ADK: variants seen among roughly 807,000 people sequenced by gnomAD.
ADK encodes adenosine kinase, also known as N6,N6-dimethyladenosine kinase.
Under a neutral mutation model 44.7 loss-of-function variants are expected in ADK, and 24 were observed. The observed-to-expected ratio is 0.54, with a 90% confidence interval of 0.39 to 0.76. ADK has a LOEUF of 0.76. ADK is among the 30% of genes least tolerant of loss of function. ADK has a pLI of 0.00. For synonymous variants in ADK, 128 were observed against 142.6 expected, an observed-to-expected ratio of 0.90 and a Z score of 0.73; for missense variants, 321 against 425.1, an observed-to-expected ratio of 0.76 and a Z score of 2.15.
intron 6 of ADK, among the ~76,000 whole-genome samples, chr10:74,430,964 T>C (rs1844967659): frequency 6.6e-6 from 1 of 150,626 alleles, no homozygotes; most frequent in Non-Finnish European, 1.5e-5. Context: ...TGGGCAAGTG[T>C]TGAAGCATGG....
intron 6 of ADK, among the ~76,000 whole-genome samples, chr10:74,430,195 C>A (rs1291054234): frequency 1.3e-5 from 2 of 152,066 alleles, no homozygotes; most frequent in African/African-American, 4.8e-5. Context: ...GATTCACATG[C>A]AGTTGTAATA....
intron 4 of ADK, among the ~76,000 whole-genome samples, chr10:74,375,162 G>T (rs767438421): frequency 2.0e-5 from 3 of 152,046 alleles, no homozygotes; most frequent in Non-Finnish European, 2.9e-5. Flanking sequence ...TTTTGTAAAA[G>T]AATTCTATAC....
intron 7 of ADK, among the ~76,000 whole-genome samples, chr10:74,530,322 T>A (rs1017278032): frequency 3.3e-5 from 5 of 152,122 alleles, no homozygotes; most frequent in Non-Finnish European, 7.4e-5. Flanking sequence ...TCTTTAATAT[T>A]TCCCCCCTCA....
intron 9 of ADK, among the ~76,000 whole-genome samples, chr10:74,616,400 T>C (rs1037171234): frequency 6.6e-6 from 1 of 152,146 alleles, no homozygotes; most frequent in African/African-American, 2.4e-5. Flanking sequence ...TATATATATA[T>C]AAGGTGTAGG....
intron 3 of ADK, among the ~76,000 whole-genome samples, chr10:74,304,085 G>A (rs1013402596): frequency 2.0e-5 from 3 of 152,012 alleles, no homozygotes; most frequent in African/African-American, 7.2e-5. Context: ...TATTTGTTTT[G>A]TATAGCTGTA....
At chr10:74,178,652 G>GT (rs1256481759) in intron 1 of ADK, among the ~76,000 whole-genome samples, 1 of 152,010 alleles carries the variant, frequency 6.6e-6, no homozygotes, top group Non-Finnish European at 1.5e-5. Context: ...GGGGTTGATA[G>GT]TTTTTTTTAA....
At chr10:74,288,311 G>A (rs1334704720) in intron 3 of ADK, among the ~76,000 whole-genome samples, 1 of 152,138 alleles carries the variant, frequency 6.6e-6, no homozygotes, top group Non-Finnish European at 1.5e-5. Context: ...AATCTTAAAT[G>A]ATACTTTTAG....
At chr10:74,559,241 A>G (rs372130680) in intron 7 of ADK, among the ~76,000 whole-genome samples, 8 of 152,258 alleles carry the variant, frequency 5.3e-5, no homozygotes, top group African/African-American at 1.7e-4. Flanking sequence ...ATGGCAGACT[A>G]CACGCAACCT....
chr10:74,214,127 A>G (rs1843930904), intron 2 of ADK, among the ~76,000 whole-genome samples: 3 of 152,204 alleles, frequency 2.0e-5, no homozygotes, highest in African/African-American at 7.2e-5. Flanking sequence ...TATTATTTTC[A>G]TAAACCTTGT....
chr10:74,627,728 G>A (rs1853264879), intron 9 of ADK, among the ~76,000 whole-genome samples: 1 of 152,076 alleles, frequency 6.6e-6, no homozygotes, highest in African/African-American at 2.4e-5. Flanking sequence ...CGCCCCCTGG[G>A]TTAAAGCAAT....
At chr10:74,356,014 T>TTTTTTTTTTTTTTTTTTTTTTG (rs1554847186) in intron 4 of ADK, among the ~76,000 whole-genome samples, 5 of 128,212 alleles carry the variant, frequency 3.9e-5, no homozygotes, top group Non-Finnish European at 6.6e-5. Context: ...TTTTTTTTTT[T>TTTTTTTTTTTTTTTTTTTTTTG]TTTTTTTTTT....
chr10:74,600,423 A>G lies in ADK; in HGVS notation c.807A>G (p.Pro269=). The G allele has an allele frequency of 6.2e-7, 1 of 1,611,614 alleles. No homozygotes were observed. ...TAGCCAAAAAGACACAAGCCCTGCCAAAGATGAACTCAAAGAGGCAGCGAA... is the reference window on the plus strand; with the variant it reads ...TAGCCAAAAAGACACAAGCCCTGCCGAAGATGAACTCAAAGAGGCAGCGAA... ...KEIAKKTQAL[P]KMNSKRQRIV... Residue 269 remains proline, a synonymous_variant, in exon 9 of 11, where the codon CCA becomes CCG. Transcript: ENST00000539909.
intron 4 of ADK, among the ~76,000 whole-genome samples, chr10:74,374,318 AT>A (rs1181432863): frequency 1.3e-5 from 2 of 152,132 alleles, no homozygotes; most frequent in Non-Finnish European, 2.9e-5. Flanking sequence ...TAAAGAATAT[AT>A]ATTTATTGGT....
rs1174583463 is a variant in ADK, at chr10:74,259,699, C to T, written c.194+35108C>T. On this transcript the variant is annotated intron_variant, in intron 3 of 10. Coordinates refer to ENST00000539909, the MANE Select transcript of ADK (RefSeq NM_006721.4). ...GTCTCGATCTCCTGACCTCGTGATCCGTCTGCCTTCGCCTCCCAAAGTGCT... is the reference window on the plus strand; with the variant it reads ...GTCTCGATCTCCTGACCTCGTGATCTGTCTGCCTTCGCCTCCCAAAGTGCT... Among the ~76,000 whole-genome samples, 7 of 151,438 alleles carry T rather than the reference C, an allele frequency of 4.6e-5. No individual in the cohort carries two copies. The East Asian group carries it at 5.9e-4, about 13-fold the overall frequency.
At chr10:74,609,610 G>A (rs1412839681) in intron 9 of ADK, among the ~76,000 whole-genome samples, 1 of 152,118 alleles carries the variant, frequency 6.6e-6, no homozygotes, top group Non-Finnish European at 1.5e-5. Context: ...AGGACTCTCA[G>A]TTGGAAATGT....
intron 3 of ADK, among the ~76,000 whole-genome samples, chr10:74,247,189 T>C (rs1291751697): frequency 6.6e-6 from 1 of 150,818 alleles, no homozygotes; most frequent in Admixed American, 6.6e-5. Context: ...CTTGGATCAC[T>C]GACATCTGGC....
intron 4 of ADK, among the ~76,000 whole-genome samples, chr10:74,344,008 A>C (rs1448339824): frequency 6.6e-6 from 1 of 152,228 alleles, no homozygotes; most frequent in African/African-American, 2.4e-5. Flanking sequence ...ATCTTAAACC[A>C]ACCTTGCATT....
intron 10 of ADK, among the ~76,000 whole-genome samples, chr10:74,700,716 A>G (rs1443502194): frequency 5.3e-5 from 8 of 152,208 alleles, no homozygotes; most frequent in Non-Finnish European, 1.2e-4. Context: ...TAAACCAGAA[A>G]ACAGTGAAAG....
At chr10:74,466,770 T>C (rs1046334357) in intron 6 of ADK, among the ~76,000 whole-genome samples, 4 of 152,142 alleles carry the variant, frequency 2.6e-5, no homozygotes, top group African/African-American at 9.7e-5. Flanking sequence ...GGTTTCTCTT[T>C]CTGTAGCAAG....
Sources: allele counts gnomAD v4.1 joint callset (sites outside exome capture counted in the v4.1 genomes callset), GRCh38; gene constraint gnomAD v4.1.1; transcripts MANE v1.5; gene names NCBI Gene and HGNC (gene_info 2026-07-23, HGNC 2026-07-21).